NLGN1: variants seen among roughly 807,000 people sequenced by gnomAD.
NLGN1 encodes the protein neuroligin 1, also known as neuroligin-1.
NLGN1 carries 12 observed loss-of-function variants against 65.5 expected under a neutral mutation model. That is an observed-to-expected ratio of 0.18 (90% confidence interval 0.12 to 0.30). NLGN1 has a LOEUF of 0.30. Among genes scored for constraint, NLGN1 ranks in the 10% least tolerant of loss-of-function variants. The pLI is 1.00. For missense variants in NLGN1, 750 were observed against 1,007.1 expected, an observed-to-expected ratio of 0.74 and a Z score of 3.46; for synonymous variants, 350 against 359.5, an observed-to-expected ratio of 0.97 and a Z score of 0.30.
At chr3:173,731,636 G>T (rs1482885383) in intron 3 of NLGN1, among the ~76,000 whole-genome samples, 1 of 151,948 alleles carries the variant, frequency 6.6e-6, no homozygotes, top group African/African-American at 2.4e-5. Context: ...AAAAATTCAG[G>T]TTCCTTCTTC....
At chr3:173,435,868 A>T (rs986281800) in intron 2 of NLGN1, among the ~76,000 whole-genome samples, 2 of 152,154 alleles carry the variant, frequency 1.3e-5, no homozygotes, top group African/African-American at 4.8e-5. Context: ...CTTTAGTAAA[A>T]GTCTATACGA....
chr3:173,864,469 G>A (rs1729740866), intron 4 of NLGN1, among the ~76,000 whole-genome samples: 3 of 152,162 alleles, frequency 2.0e-5, no homozygotes, highest in Admixed American at 2.0e-4. Context: ...GTTGAAGGGG[G>A]AAATCATAAG....
intron 4 of NLGN1, among the ~76,000 whole-genome samples, chr3:174,218,900 C>G (rs1039537614): frequency 6.6e-6 from 1 of 151,980 alleles, no homozygotes; most frequent in Non-Finnish European, 1.5e-5. Flanking sequence ...GGATTGCCTC[C>G]GGGCTGTTAT....
chr3:173,911,719 G>C (rs968737919), intron 4 of NLGN1, among the ~76,000 whole-genome samples: 2 of 152,184 alleles, frequency 1.3e-5, no homozygotes, highest in African/African-American at 2.4e-5. Flanking sequence ...ACTGTTTGCA[G>C]TGAAAAGGAA....
At chr3:173,753,523 A>T (rs981670279) in intron 3 of NLGN1, among the ~76,000 whole-genome samples, 13 of 152,130 alleles carry the variant, frequency 8.5e-5, no homozygotes, top group Non-Finnish European at 1.2e-4. Flanking sequence ...CTGTCTTCCT[A>T]CTAAATCCAC....
chr3:173,805,893 C>G (rs1164392953), intron 3 of NLGN1, among the ~76,000 whole-genome samples: 1 of 152,152 alleles, frequency 6.6e-6, no homozygotes, highest in Non-Finnish European at 1.5e-5. Flanking sequence ...CTGTGTAAGT[C>G]TAACATCTCC....
At chr3:173,828,877 T>C (rs756039641) in intron 4 of NLGN1, among the ~76,000 whole-genome samples, 2 of 151,644 alleles carry the variant, frequency 1.3e-5, no homozygotes, top group Non-Finnish European at 2.9e-5. Flanking sequence ...ACCATGAGAG[T>C]AGGGTAATGG....
intron 4 of NLGN1, among the ~76,000 whole-genome samples, chr3:173,981,406 A>G (rs1321014424): frequency 6.6e-6 from 1 of 152,168 alleles, no homozygotes; most frequent in African/African-American, 2.4e-5. Context: ...AAGAATATTG[A>G]CCAAATAAAT....
chr3:173,791,583 C>T (rs1253696171), intron 3 of NLGN1, among the ~76,000 whole-genome samples: 1 of 145,662 alleles, frequency 6.9e-6, no homozygotes, highest in African/African-American at 2.5e-5. Context: ...ATTTAAATTT[C>T]AATTGCATCT....
At chr3:173,571,767 T>G (rs1408010015) in intron 2 of NLGN1, among the ~76,000 whole-genome samples, 1 of 152,178 alleles carries the variant, frequency 6.6e-6, no homozygotes, top group African/African-American at 2.4e-5. Flanking sequence ...TTTTTGTTGT[T>G]GTTGTTGGTG....
intron 2 of NLGN1, among the ~76,000 whole-genome samples, chr3:173,517,464 T>C (rs1229719804): frequency 6.6e-6 from 1 of 152,094 alleles, no homozygotes; most frequent in African/African-American, 2.4e-5. Flanking sequence ...ATGAATTCTG[T>C]ACCCACTACT....
At chr3:173,479,114 T>C (rs1726803777) in intron 2 of NLGN1, among the ~76,000 whole-genome samples, 1 of 152,058 alleles carries the variant, frequency 6.6e-6, no homozygotes, top group African/African-American at 2.4e-5. Context: ...GTTTGTTAAA[T>C]AAACAAGGCT....
At chr3:173,662,891 G>C (rs190504430) in intron 3 of NLGN1, among the ~76,000 whole-genome samples, 70 of 152,060 alleles carry the variant, frequency 4.6e-4, no homozygotes, top group African/African-American at 1.6e-3. Flanking sequence ...TTTTCCATAG[G>C]TATTTGGAGA....
intron 4 of NLGN1, among the ~76,000 whole-genome samples, chr3:173,996,899 T>C (rs1257088736): frequency 6.6e-6 from 1 of 152,180 alleles, no homozygotes; most frequent in Non-Finnish European, 1.5e-5. Flanking sequence ...TGAGACTTTA[T>C]GTGGAGGACA....
At chr3:173,957,789 C>T (rs1712465318) in intron 4 of NLGN1, among the ~76,000 whole-genome samples, 1 of 152,190 alleles carries the variant, frequency 6.6e-6, no homozygotes, top group Non-Finnish European at 1.5e-5. Context: ...CCTCCGTAGC[C>T]AGTGACGCCT....
chr3:173,675,870 C>CTT (rs1349449880), intron 3 of NLGN1, among the ~76,000 whole-genome samples: 16 of 134,086 alleles, frequency 1.2e-4, no homozygotes, highest in Non-Finnish European at 2.1e-4. Context: ...CTCTCTTTGT[C>CTT]TCTCTCTCTC....
chr3:173,431,633 C>T (rs1329626763), intron 1 of NLGN1, among the ~76,000 whole-genome samples: 3 of 152,030 alleles, frequency 2.0e-5, no homozygotes, highest in African/African-American at 7.3e-5. Flanking sequence ...CATATATGCC[C>T]TGCCCTCATT....
At chr3:173,816,139 A>G (rs1413366234) in intron 4 of NLGN1, among the ~76,000 whole-genome samples, 1 of 151,298 alleles carries the variant, frequency 6.6e-6, no homozygotes, top group Non-Finnish European at 1.5e-5. Flanking sequence ...TACTATAATT[A>G]TAATTATTAT....
chr3:173,506,513 C>T (rs1732060316), intron 2 of NLGN1, among the ~76,000 whole-genome samples: 1 of 151,932 alleles, frequency 6.6e-6, no homozygotes, highest in Non-Finnish European at 1.5e-5. Context: ...ACAGAAAACA[C>T]AAATATTTCA....
Sources: gnomAD v4.1 joint callset for allele counts (sites outside exome capture counted in the v4.1 genomes callset) on GRCh38, gnomAD v4.1.1 for gene constraint, MANE v1.5 for transcripts, NCBI Gene and HGNC (gene_info 2026-07-23, HGNC 2026-07-21) for gene names.